Variants in GALNT14 observed in about 807,000 individuals in gnomAD.
GALNT14 encodes polypeptide N-acetylgalactosaminyltransferase 14.
A neutral mutation model predicts 77.5 loss-of-function variants in GALNT14; 60 were observed. That is an observed-to-expected ratio of 0.77 (90% CI 0.63 to 0.96). The LOEUF (loss-of-function observed/expected upper bound fraction) is 0.96, where lower values mean the gene tolerates loss of function less well. GALNT14 is among the 40% of genes least tolerant of loss of function. GALNT14 has a pLI of 0.00. For synonymous variants in GALNT14, 280 were observed against 281.7 expected (o/e 0.99, Z 0.06); for missense variants, 710 against 731.0 (o/e 0.97, Z 0.33).
At chr2:31,137,890 C>T in intron 1 of GALNT14, 68 bp downstream of exon 1, 4 of 1,543,436 alleles carry the variant, frequency 2.6e-6, no homozygotes, top group South Asian at 2.4e-5. Context: ...GCCCGCAAAC[C>T]CGGCACGCGG....
chr2:31,036,276 G>T (rs967686495), intron 1 of GALNT14, among the ~76,000 whole-genome samples: 2 of 151,694 alleles, frequency 1.3e-5, no homozygotes, highest in African/African-American at 4.8e-5. Flanking sequence ...TTGTTCCCTT[G>T]TTGCTATTTT....
intron 6 of GALNT14, among the ~76,000 whole-genome samples, chr2:30,953,418 C>A (rs915731042): frequency 6.6e-6 from 1 of 151,422 alleles, no homozygotes; most frequent in Non-Finnish European, 1.5e-5. Context: ...AAGCGATTCT[C>A]CTGCCTCAGC....
chr2:30,940,783 C>A (rs1220252012), intron 9 of GALNT14, among the ~76,000 whole-genome samples: 1 of 152,210 alleles, frequency 6.6e-6, no homozygotes, highest in African/African-American at 2.4e-5. Context: ...TCGAACCCCA[C>A]ACCAACAGCC....
intron 2 of GALNT14, among the ~76,000 whole-genome samples, chr2:30,987,530 A>G (rs1391384046): frequency 1.3e-5 from 2 of 152,224 alleles, no homozygotes; most frequent in Non-Finnish European, 2.9e-5. Flanking sequence ...AACCAAAAGA[A>G]AAATGGCTAC....
intron 1 of GALNT14, among the ~76,000 whole-genome samples, chr2:31,107,242 C>G (rs2148620655): frequency 6.6e-6 from 1 of 152,218 alleles, no homozygotes; most frequent in Non-Finnish European, 1.5e-5. Flanking sequence ...TTTTGCTCAC[C>G]CTAGTCCTTA....
intron 1 of GALNT14, among the ~76,000 whole-genome samples, chr2:31,072,263 TCA>T (rs544087870): frequency 0.026 from 2,118 of 80,260 alleles, 29 homozygotes; most frequent in South Asian, 0.045. Context: ...TCTCTCTCTC[TCA>T]CACACACACA....
At chr2:30,996,207 C>T (rs1670019660) in intron 1 of GALNT14, among the ~76,000 whole-genome samples, 1 of 152,152 alleles carries the variant, frequency 6.6e-6, no homozygotes, top group East Asian at 1.9e-4. Flanking sequence ...ATAAAATGAA[C>T]CATCACAGGC....
At chr2:31,058,099 C>A (rs771464468) in intron 1 of GALNT14, among the ~76,000 whole-genome samples, 4 of 152,140 alleles carry the variant, frequency 2.6e-5, no homozygotes, top group Non-Finnish European at 4.4e-5. Flanking sequence ...GAGCATATTC[C>A]CTTACCTTTG....
intron 1 of GALNT14, among the ~76,000 whole-genome samples, chr2:31,066,425 G>C (rs1233534399): frequency 1.3e-5 from 2 of 151,722 alleles, no homozygotes; most frequent in African/African-American, 4.8e-5. Flanking sequence ...GGGGCGGGGG[G>C]GTGGTGTCCA....
At chr2:31,103,486 AGG>A (rs1677391333) in intron 1 of GALNT14, among the ~76,000 whole-genome samples, 1 of 72,556 alleles carries the variant, frequency 1.4e-5, no homozygotes, top group Non-Finnish European at 3.0e-5. Context: ...ATAGAGAAGA[AGG>A]AAACACACAC....
chr2:31,020,263 T>A (rs901236733), intron 1 of GALNT14, among the ~76,000 whole-genome samples: 1 of 152,192 alleles, frequency 6.6e-6, no homozygotes, highest in African/African-American at 2.4e-5. Context: ...TTATGTTCAT[T>A]AAAAGGAGAT....
At chr2:31,069,281 A>G (rs17010645) in intron 1 of GALNT14, among the ~76,000 whole-genome samples, 4,903 of 152,304 alleles carry the variant, frequency 0.032, 246 homozygotes, top group East Asian at 0.25. Context: ...CTAGTTATTT[A>G]CCACAAGGCC....
chr2:30,896,154 C>T, the GALNT14 span, among the ~76,000 whole-genome samples: 5 of 149,832 alleles, frequency 3.3e-5, no homozygotes, highest in South Asian at 4.2e-4. Flanking sequence ...TAGCAGCTCA[C>T]GAAATGCTAC....
At chr2:31,073,500 C>A (rs1675557417) in intron 1 of GALNT14, among the ~76,000 whole-genome samples, 1 of 151,710 alleles carries the variant, frequency 6.6e-6, no homozygotes, top group Middle Eastern at 3.2e-3. Context: ...GGGGGAACAG[C>A]ATTTGGGGAA....
intron 1 of GALNT14, among the ~76,000 whole-genome samples, chr2:31,075,412 C>A (rs1675704354): frequency 6.6e-6 from 1 of 152,204 alleles, no homozygotes; most frequent in African/African-American, 2.4e-5. Context: ...TGAGCCTCCA[C>A]CCACCTAGAA....
At chr2:31,081,750 A>T (rs1473564001) in intron 1 of GALNT14, among the ~76,000 whole-genome samples, 1 of 152,202 alleles carries the variant, frequency 6.6e-6, no homozygotes, top group African/African-American at 2.4e-5. Context: ...TAAAAATGAA[A>T]ACCACATCTA....
At chr2:31,041,792 G>A (rs923294746) in intron 1 of GALNT14, among the ~76,000 whole-genome samples, 1 of 152,178 alleles carries the variant, frequency 6.6e-6, no homozygotes, top group Non-Finnish European at 1.5e-5. Context: ...GAAGCCCATT[G>A]CAATGTCTTG....
intron 1 of GALNT14, among the ~76,000 whole-genome samples, chr2:31,016,316 G>A (rs917765406): frequency 2.6e-5 from 4 of 152,052 alleles, no homozygotes; most frequent in African/African-American, 7.2e-5. Context: ...CAATCAGATT[G>A]TATTATGCCA....
chr2:31,079,620 C>T (rs1311474429), intron 1 of GALNT14, among the ~76,000 whole-genome samples: 1 of 152,164 alleles, frequency 6.6e-6, no homozygotes, highest in Non-Finnish European at 1.5e-5. Flanking sequence ...GTAAGTTGCC[C>T]TCCTGCTAAT....
Sources: gnomAD v4.1 joint callset for allele counts (sites outside exome capture counted in the v4.1 genomes callset) on GRCh38, gnomAD v4.1.1 for gene constraint, MANE v1.5 for transcripts, NCBI Gene and HGNC (gene_info 2026-07-23, HGNC 2026-07-21) for gene names.